LIPH: variants seen among roughly 807,000 people sequenced by gnomAD.
The protein encoded by LIPH is lipase H.
A neutral mutation model predicts 47.6 loss-of-function variants in LIPH; 32 were observed. The ratio of observed to expected loss-of-function variants is 0.67; its 90% CI spans 0.51 to 0.90. LIPH has a LOEUF of 0.90. Among genes scored for constraint, LIPH ranks in the 40% least tolerant of loss-of-function variants. The probability of loss-of-function intolerance (pLI) is 0.00; values close to 1 mark genes in which losing one functional copy is unlikely to be tolerated. For missense variants in LIPH, 497 were observed against 541.4 expected, an observed-to-expected ratio of 0.92 and a Z score of 0.81; for synonymous variants, 190 against 195.6, an observed-to-expected ratio of 0.97 and a Z score of 0.24.
chr3:185,546,777 C>T, intron 1 of LIPH: 1 of 352,510 alleles, frequency 2.8e-6, no homozygotes, highest in Non-Finnish European at 5.4e-6. Context: ...TGCACTCCAG[C>T]CTGGGCAACA....
chr3:185,530,844 G>A (rs1720309965), intron 3 of LIPH, among the ~76,000 whole-genome samples: 1 of 151,890 alleles, frequency 6.6e-6, no homozygotes, highest in African/African-American at 2.4e-5. Context: ...TTCCAGCCTG[G>A]GTAACAAAGT....
intron 4 of LIPH, among the ~76,000 whole-genome samples, chr3:185,526,681 TATAATATAAA>T (rs1720103717): frequency 1.2e-4 from 4 of 32,426 alleles, no homozygotes; most frequent in South Asian, 2.5e-3. Context: ...TATAATATAA[TATAATATAAA>T]ATAAATAAAA....
intron 3 of LIPH, among the ~76,000 whole-genome samples, chr3:185,532,371 G>A (rs757804900): frequency 1.3e-5 from 2 of 151,874 alleles, no homozygotes; most frequent in African/African-American, 2.4e-5. Flanking sequence ...AATTAAGCAG[G>A]TGTGGTGGCA....
chr3:185,531,419 G>A (rs1005391563), intron 3 of LIPH, among the ~76,000 whole-genome samples: 6 of 151,724 alleles, frequency 4.0e-5, no homozygotes, highest in Admixed American at 1.3e-4. Flanking sequence ...GGTGGTGCAC[G>A]CCGGTAGTCC....
chr3:185,537,972 A>G (rs1217559404), intron 1 of LIPH, among the ~76,000 whole-genome samples: 9 of 151,916 alleles, frequency 5.9e-5, no homozygotes, highest in Non-Finnish European at 1.5e-5. Flanking sequence ...ATGTCTGGCT[A>G]ATTTTTATAT....
intron 1 of LIPH, among the ~76,000 whole-genome samples, chr3:185,543,421 C>T (rs2148964558): frequency 6.6e-6 from 1 of 152,220 alleles, no homozygotes; most frequent in South Asian, 2.1e-4. Context: ...TGCCTTTAAA[C>T]AGAAACACAC....
chr3:185,514,608 A>G, intron 7 of LIPH, 87 bp from the exon 8 acceptor site: 2 of 755,956 alleles, frequency 2.6e-6, no homozygotes, highest in East Asian at 4.9e-5. Flanking sequence ...GAACCTCCCT[A>G]ATCACTGAGT....
intron 4 of LIPH, among the ~76,000 whole-genome samples, chr3:185,526,557 G>A (rs1011695289): frequency 1.9e-5 from 2 of 106,006 alleles, no homozygotes; most frequent in African/African-American, 7.1e-5. Flanking sequence ...AATAAGATAA[G>A]ATAAGATAAA....
At chr3:185,515,775 C>A (rs548235855) in intron 7 of LIPH, among the ~76,000 whole-genome samples, 3 of 152,162 alleles carry the variant, frequency 2.0e-5, no homozygotes, top group Non-Finnish European at 4.4e-5. Context: ...AAGTGATCCG[C>A]CCGCCTTGGC....
At chr3:185,516,336 G>C (rs140671220) in intron 7 of LIPH, among the ~76,000 whole-genome samples, 1 of 152,284 alleles carries the variant, frequency 6.6e-6, no homozygotes, top group African/African-American at 2.4e-5. Context: ...GGAATCCTGA[G>C]GCAGGAGGAT....
chr3:185,534,341 C>T (rs983130095), intron 2 of LIPH, among the ~76,000 whole-genome samples: 10 of 150,248 alleles, frequency 6.7e-5, no homozygotes, highest in East Asian at 1.9e-4. Flanking sequence ...GGTGACAGAA[C>T]GAGATTCCGT....
At chr3:185,520,217 G>A (rs1236047023) in intron 5 of LIPH, among the ~76,000 whole-genome samples, 10 of 151,984 alleles carry the variant, frequency 6.6e-5, no homozygotes, top group Non-Finnish European at 1.5e-4. Flanking sequence ...TACCAAAATC[G>A]TTATCATAAA....
intron 5 of LIPH, among the ~76,000 whole-genome samples, chr3:185,522,498 AGGAAGGAAGGAG>A (rs1176462201): frequency 1.3e-5 from 2 of 150,556 alleles, no homozygotes; most frequent in Admixed American, 6.6e-5. Flanking sequence ...AGGAAGGAAA[AGGAAGGAAGGAG>A]GGAAGGAAGG....
In LIPH at chr3:185,536,583, T is replaced by C. The variant is rs116245146; in HGVS notation, c.50-1451A>G. The stretch of plus-strand genomic sequence containing the variant: ...TTAATAACCTGAGTCTGTTCAGTTA[T>C]GCATTTATTGAAACTTTTCAAAAAG... On this transcript the variant is annotated intron_variant, in intron 1 of 9. Transcript: ENST00000296252. Among the ~76,000 whole-genome samples the C allele has an allele frequency of 8.6e-3, 1,303 of 152,276 alleles. 19 individuals carry two copies. The highest frequency in any genetic ancestry group is 0.029 in the African/African-American group (1,219 of 41,546).
chr3:185,540,382 G>C (rs3849569), intron 1 of LIPH, among the ~76,000 whole-genome samples: 55,809 of 151,890 alleles, frequency 0.37, 10,398 homozygotes, highest in Non-Finnish European at 0.4. Context: ...GAAGTTTATA[G>C]CTTGCTTTAA....
chr3:185,551,744 A>G (rs568596233), intron 1 of LIPH, among the ~76,000 whole-genome samples: 6 of 152,074 alleles, frequency 3.9e-5, no homozygotes, highest in Admixed American at 6.6e-5. Flanking sequence ...AAATTATATC[A>G]ACCTTCATTA....
chr3:185,509,372 T>C (rs1477411145), intron 9 of LIPH, among the ~76,000 whole-genome samples: 2 of 151,948 alleles, frequency 1.3e-5, no homozygotes, highest in East Asian at 1.9e-4. Flanking sequence ...TTCACGCTTG[T>C]AATCCCAGCA....
At chr3:185,534,052 C>G (rs770704188) in intron 2 of LIPH, among the ~76,000 whole-genome samples, 2 of 152,070 alleles carry the variant, frequency 1.3e-5, no homozygotes, top group Non-Finnish European at 2.9e-5. Context: ...GGAGAAACCC[C>G]GTCTTTACTA....
At chr3:185,511,429 T>C (rs770817805) in intron 9 of LIPH, 95 bp downstream of exon 9, 40 of 1,122,804 alleles carry the variant, frequency 3.6e-5, no homozygotes, top group Non-Finnish European at 5.0e-5. Flanking sequence ...TTGTGAATAA[T>C]AGAGTCTTAT....
Sources: gnomAD v4.1 joint callset for allele counts (sites outside exome capture counted in the v4.1 genomes callset) on GRCh38, gnomAD v4.1.1 for gene constraint, MANE v1.5 for transcripts, NCBI Gene and HGNC (gene_info 2026-07-23, HGNC 2026-07-21) for gene names.